DSCAML1: variants seen among roughly 807,000 people sequenced by gnomAD.
The protein encoded by DSCAML1 is cell adhesion molecule DSCAML1.
DSCAML1 carries 38 observed loss-of-function variants against 200.5 expected under a neutral mutation model. The ratio of observed to expected loss-of-function variants is 0.19; its 90% CI spans 0.15 to 0.25. The LOEUF (loss-of-function observed/expected upper bound fraction) is 0.25, where lower values mean the gene tolerates loss of function less well. DSCAML1 is among the 10% of genes least tolerant of loss of function. The probability of loss-of-function intolerance (pLI) is 1.00; values close to 1 mark genes in which losing one functional copy is unlikely to be tolerated. For missense variants in DSCAML1, 2,223 were observed against 2,858.8 expected (o/e 0.78, Z 5.07); for synonymous variants, 1,215 against 1,165.0 (o/e 1.04, Z -0.87).
rs1366907370 is a variant in DSCAML1, at chr11:117,616,487, G to A, written c.512-83965C>T. On this transcript the variant is annotated intron_variant, in intron 3 of 32. Coordinates refer to ENST00000651296, the MANE Select transcript of DSCAML1 (RefSeq NM_020693.4). ...TTTCATCACATGAATATAGCACAGTGTGTTTTTCTACTGCTGGTGGACACT... is the reference window on the plus strand; with the variant it reads ...TTTCATCACATGAATATAGCACAGTATGTTTTTCTACTGCTGGTGGACACT... Among the ~76,000 whole-genome samples, 5 of 152,344 alleles carry A rather than the reference G, an allele frequency of 3.3e-5. No individual in the cohort carries two copies. In the East Asian group the frequency reaches 9.6e-4, roughly 29 times the overall value.
chr11:117,713,477 G>A (rs1378781912), intron 3 of DSCAML1, among the ~76,000 whole-genome samples: 1 of 151,962 alleles, frequency 6.6e-6, no homozygotes, highest in Non-Finnish European at 1.5e-5. Flanking sequence ...AACCCACGTT[G>A]GCCTTTTCCC....
chr11:117,431,155 G>T, intron 31 of DSCAML1, 122 bp from the exon 32 acceptor site: 1 of 970,694 alleles, frequency 1.0e-6, no homozygotes, highest in Non-Finnish European at 1.5e-6. Flanking sequence ...AGGGCACCAG[G>T]CTGAGAAGAT....
At chr11:117,450,129 C>A (rs1246503469) in intron 20 of DSCAML1, among the ~76,000 whole-genome samples, 1 of 152,228 alleles carries the variant, frequency 6.6e-6, no homozygotes, top group Non-Finnish European at 1.5e-5. Flanking sequence ...TGTGGAGGCG[C>A]TTATGCAGGG....
At chr11:117,614,160 C>G (rs1330170845) in intron 3 of DSCAML1, among the ~76,000 whole-genome samples, 2 of 152,130 alleles carry the variant, frequency 1.3e-5, no homozygotes, top group East Asian at 3.8e-4. Flanking sequence ...TCCTTCAGTG[C>G]AGGCTCTCAG....
At chr11:117,636,915 GACAAGATAGAGGA>G (rs1296461454) in intron 3 of DSCAML1, among the ~76,000 whole-genome samples, 1 of 152,136 alleles carries the variant, frequency 6.6e-6, no homozygotes, top group Non-Finnish European at 1.5e-5. Flanking sequence ...TTATTTAGTA[GACAAGATAGAGGA>G]ACTACTTCCA....
chr11:117,593,331 A>G (rs2051296566), intron 3 of DSCAML1, among the ~76,000 whole-genome samples: 1 of 152,188 alleles, frequency 6.6e-6, no homozygotes, highest in African/African-American at 2.4e-5. Context: ...TCCCCAAAGC[A>G]GCCACAGAGC....
At chr11:117,625,465 A>G (rs1251524524) in intron 3 of DSCAML1, among the ~76,000 whole-genome samples, 1 of 152,176 alleles carries the variant, frequency 6.6e-6, no homozygotes, top group Non-Finnish European at 1.5e-5. Flanking sequence ...GACGCAGGGG[A>G]GAAGTGTGAA....
chr11:117,508,158 T>G (rs1008195690), intron 8 of DSCAML1, among the ~76,000 whole-genome samples: 10 of 152,062 alleles, frequency 6.6e-5, no homozygotes, highest in Admixed American at 1.3e-4. Context: ...GCCAAGTCCT[T>G]CTCCTGCTCA....
chr11:117,531,867 CAA>C (rs2050081387), intron 4 of DSCAML1, among the ~76,000 whole-genome samples: 1 of 135,184 alleles, frequency 7.4e-6, no homozygotes, highest in African/African-American at 2.7e-5. Flanking sequence ...GCCTGGGCAA[CAA>C]GAGAGAAACT....
intron 15 of DSCAML1, 34 bp downstream of exon 15, chr11:117,471,835 G>A: frequency 6.3e-7 from 1 of 1,589,206 alleles, no homozygotes; most frequent in Non-Finnish European, 8.6e-7. Flanking sequence ...GATCCCTGAG[G>A]CCATGGGCAG....
At chr11:117,806,696 A>G (rs1221366408) in intron 1 of DSCAML1, among the ~76,000 whole-genome samples, 1 of 152,270 alleles carries the variant, frequency 6.6e-6, no homozygotes, top group African/African-American at 2.4e-5. Context: ...ACGCAGCGTC[A>G]GATGCTCAAG....
At chr11:117,678,991 A>G (rs1212941137) in intron 3 of DSCAML1, among the ~76,000 whole-genome samples, 3 of 152,256 alleles carry the variant, frequency 2.0e-5, no homozygotes, top group Non-Finnish European at 2.9e-5. Flanking sequence ...GAACATCTGC[A>G]GCCAAAGTGA....
chr11:117,503,808 T>G lies in DSCAML1; in HGVS notation c.2359+37A>C, dbSNP rs753906078. Reference sequence around the variant, plus strand: ...TGCAGAGCCGGGGCTTGGCTGTGATTTGGGGGTGCTAGGGGGCGTGTGGGG... The same window carrying G: ...TGCAGAGCCGGGGCTTGGCTGTGATGTGGGGGTGCTAGGGGGCGTGTGGGG... On this transcript the variant is annotated intron_variant, in intron 11 of 32. Transcript: ENST00000651296. This position sits in a 1 kb window ranked among gnomAD's most constrained non-coding sequence, Gnocchi z 5.2. 22 of 1,595,756 alleles carry G rather than the reference T, an allele frequency of 1.4e-5. No homozygotes were observed. The highest frequency in any genetic ancestry group is 1.0e-5 in the Non-Finnish European group (12 of 1,169,414).
At chr11:117,473,503 G>GA (rs1011191713) in intron 14 of DSCAML1, among the ~76,000 whole-genome samples, 22 of 151,882 alleles carry the variant, frequency 1.4e-4, no homozygotes, top group Admixed American at 3.9e-4. Context: ...TCTCAAAAAT[G>GA]AAAAAAACAA....
At position 117,810,193 on chromosome 11, in the gene DSCAML1, A is replaced by C. The variant is rs551139299; in HGVS notation, c.-250+7197T>G. ...TTCCTTTCATTTTCTGATAGAGACA[A>C]AGGAGACACGTGGACCCAAAACTCC... On this transcript the variant is annotated intron_variant, in intron 1 of 2. Coordinates refer to the DSCAML1 transcript ENST00000525836. Among the ~76,000 whole-genome samples, 143 of 151,934 alleles carry C rather than the reference A, an allele frequency of 9.4e-4. 1 individual carries two copies. Among genetic ancestry groups the C allele is most frequent in the Non-Finnish European group, 1.9e-3 (129 of 68,014 alleles).
intron 1 of DSCAML1, among the ~76,000 whole-genome samples, chr11:117,807,234 C>T (rs1029265292): frequency 1.3e-5 from 2 of 152,238 alleles, no homozygotes; most frequent in Admixed American, 6.5e-5. Context: ...ATCGCTGAAG[C>T]CCCTGCCATC....
intron 8 of DSCAML1, among the ~76,000 whole-genome samples, chr11:117,506,617 C>T (rs906767634): frequency 1.5e-4 from 20 of 137,256 alleles, no homozygotes; most frequent in Admixed American, 1.1e-3. Context: ...AGTACAGTGG[C>T]GTGAACATGG....
chr11:117,438,925 C>G lies in DSCAML1; in HGVS notation c.4203G>C (p.Leu1401=). The change falls in exon 24 of 33, where the codon CTG becomes CTC. Residue 1401 remains leucine (L), a synonymous_variant. Coordinates refer to ENST00000651296, the MANE Select transcript of DSCAML1 (RefSeq NM_020693.4). ...VSKTSASSIT[L]TWIPGDNGGS... is the part of the protein sequence containing the mutation. The stretch of plus-strand genomic sequence containing the variant: ...CCCCATTGTCACCTGGAATCCAGGT[C>G]AGGGTGATGGACGAAGCTGAGGTTT... The G allele has an allele frequency of 6.2e-7, 1 of 1,609,232 alleles. No homozygotes were observed. Among genetic ancestry groups the G allele is most frequent in the Non-Finnish European group, 8.5e-7 (1 of 1,178,098 alleles).
chr11:117,490,584 C>G (rs2049164803), intron 11 of DSCAML1, among the ~76,000 whole-genome samples: 1 of 152,222 alleles, frequency 6.6e-6, no homozygotes, highest in Non-Finnish European at 1.5e-5. Context: ...CAAAGCAGTG[C>G]TGCATCCTTT....
Sources: gnomAD v4.1 joint callset for allele counts (sites outside exome capture counted in the v4.1 genomes callset) on GRCh38, gnomAD v4.1.1 for gene constraint, Gnocchi (gnomAD v3.1) non-coding constraint, MANE v1.5 for transcripts, NCBI Gene and HGNC (gene_info 2026-07-23, HGNC 2026-07-21) for gene names.